Variants in ADAM30 observed in about 807,000 individuals in gnomAD.
ADAM30 encodes disintegrin and metalloproteinase domain-containing protein 30.
For missense variants in ADAM30, 960 were observed against 959.4 expected (o/e 1.00, Z -0.01); for synonymous variants, 382 against 340.9 (o/e 1.12, Z -1.33).
At position 119,896,248 on chromosome 1, in the gene ADAM30, A is replaced by T. The variant is rs1181955355; in HGVS notation, c.89T>A (p.Val30Glu). 2 of 1,613,944 alleles carry T rather than the reference A, an allele frequency of 1.2e-6. No individual in the cohort carries two copies. Among genetic ancestry groups the T allele is most frequent in the Non-Finnish European group, 1.7e-6 (2 of 1,179,946 alleles). ...AAACTCCCCTTCAGGGTGAAAAATT[A>T]CATCTTCGCCAAGAGACTTAAGGAG... ...TMLLKSLGED[V>E]IFHPEGEFDS... Residue 30 changes from valine (V) to glutamate (E), a missense_variant, in exon 1 of 1, where the codon GTA (valine) becomes GAA (glutamate). Coordinates refer to ENST00000369400, the MANE Select transcript of ADAM30 (RefSeq NM_021794.4).
rs1219407604 is a variant in ADAM30, at chr1:119,894,424, C to G, written c.1913G>C (p.Cys638Ser). ...VLQFDCLPEK[C>S]NTRGVCNNRK... is the part of the protein sequence containing the mutation. ...GTTGTTGCAAACACCCCGGGTATTG[C>G]ATTTCTCAGGCAAACAGTCAAACTG... Residue 638 changes from cysteine to serine, a missense_variant, in exon 1 of 1, where the codon TGC becomes TCC. Cys to Ser is a moderately radical substitution (Grantham distance 112). Transcript: ENST00000369400. The G allele has an allele frequency of 7.4e-6, 12 of 1,614,160 alleles. No individual in the cohort carries two copies. The highest frequency in any genetic ancestry group is 9.3e-6 in the Non-Finnish European group (11 of 1,180,038).
rs1433164763 is a variant in ADAM30 at position 119,895,272 on chromosome 1, A to G, written c.1065T>C (p.Cys355=). 3.1e-6 allele frequency: 5 copies of G among 1,614,026 alleles called. No individual in the cohort carries two copies. In the African/African-American group the frequency reaches 4.0e-5, roughly 13 times the overall value. The change falls in exon 1 of 1, where the codon TGT becomes TGC. Residue 355 remains cysteine (C), a synonymous_variant. Transcript: ENST00000369400. ...CCATGATGCAATTAAGCCTACCCCT[A>G]CATTGGCAGTATTGTTCATCATGTG... The part of the protein sequence containing the change: ...GMSHDEQYCQ[C]RGRLNCIMGS...
chr1:119,894,582 C>A lies in ADAM30; in HGVS notation c.1755G>T (p.Met585Ile). The A allele has an allele frequency of 6.2e-7, 1 of 1,614,138 alleles. No individual in the cohort carries two copies. Among genetic ancestry groups the A allele is most frequent in the Middle Eastern group, 1.6e-4 (1 of 6,062 alleles). ...ISTHLQAENL[M>I]CWGTGYHLSM... ...ATAGATGATAGCCTGTGCCCCAGCACATGAGATTTTCTGCCTGTAAATGAG... is the reference window on the plus strand; with the variant it reads ...ATAGATGATAGCCTGTGCCCCAGCAAATGAGATTTTCTGCCTGTAAATGAG... Residue 585 changes from methionine (M) to isoleucine (I), a missense_variant, in exon 1 of 1, where the codon ATG (methionine) becomes ATT (isoleucine). Met to Ile is a conservative substitution (Grantham distance 10). Coordinates refer to ENST00000369400, the MANE Select transcript of ADAM30 (RefSeq NM_021794.4).
At position 119,896,012 on chromosome 1, in the gene ADAM30, C is replaced by G. The variant is rs1436662141; in HGVS notation, c.325G>C (p.Asp109His). The G allele has an allele frequency of 6.2e-7, 1 of 1,614,126 alleles. No individual in the cohort carries two copies. The highest frequency in any genetic ancestry group is 1.7e-5 in the Admixed American group (1 of 60,014). Residue 109 changes from aspartate to histidine, a missense_variant, in exon 1 of 1, where the codon GAC becomes CAC. Physicochemically the swap from Asp to His is moderately conservative, Grantham distance 81. Coordinates refer to ENST00000369400, the MANE Select transcript of ADAM30 (RefSeq NM_021794.4). ...TTCACGGAGCCCATGTAGTTGCAGT[C>G]CTTTGGTATGTAAGGATGATCCTCC... ...LLEDHPYIPK[D>H]CNYMGSVKES...
In ADAM30 at chr1:119,894,651, A is replaced by G; in HGVS notation, c.1686T>C (p.Val562=). 6.2e-7 allele frequency: 1 copy of G among 1,614,176 alleles called. No individual in the cohort carries two copies. The highest frequency in any genetic ancestry group is 2.2e-5 in the East Asian group (1 of 44,892). Residue 562 remains valine (V), a synonymous_variant, in exon 1 of 1, where the codon GTT becomes GTC. Transcript: ENST00000369400. ...SICGRLQCIN[V]ETIPDLPEHT... is the part of the protein sequence containing the mutation. ...GCTCTGGCAAATCAGGGATGGTTTCAACATTTATACACTGTAGCCTGCCAC... is the reference window on the plus strand; with the variant it reads ...GCTCTGGCAAATCAGGGATGGTTTCGACATTTATACACTGTAGCCTGCCAC...
Position 119,894,883 on chromosome 1 carries a change from T to C in ADAM30, c.1454A>G (p.Asp485Gly), listed in dbSNP as rs1267361011. Reference sequence around the variant, plus strand: ...GCCTTCATACTTGCAAGGGGTTCCATCCTGCTTATAAACGTCATTTGGGCA... The same window carrying C: ...GCCTTCATACTTGCAAGGGGTTCCACCCTGCTTATAAACGTCATTTGGGCA... ...SSCPNDVYKQ[D>G]GTPCKYEGRC... is the part of the protein sequence containing the mutation. The change falls in exon 1 of 1, where the codon GAT (aspartate) becomes GGT (glycine). Residue 485 changes from aspartate (D) to glycine (G), a missense_variant. Asp to Gly is a moderately conservative substitution (Grantham distance 94). Coordinates refer to ENST00000369400, the MANE Select transcript of ADAM30 (RefSeq NM_021794.4). 1 of 1,614,190 alleles carries C rather than the reference T, an allele frequency of 6.2e-7. No individual in the cohort carries two copies. Among genetic ancestry groups the C allele is most frequent in the East Asian group, 2.2e-5 (1 of 44,876 alleles).
At position 119,894,133 on chromosome 1, in the gene ADAM30, G is replaced by A. The variant is rs183553633; in HGVS notation, c.2204C>T (p.Ser735Phe). 6.2e-7 allele frequency: 1 copy of A among 1,613,662 alleles called. No homozygotes were observed. The highest frequency in any genetic ancestry group is 8.5e-7 in the Non-Finnish European group (1 of 1,179,916). ...TTCTTCCTGTACAGTTTTTGTTTTA[G>A]ATTCTTCCTGTTCAGTTTTTGCTTT... ...LSKAKTEQEE[S>F]KTKTVQEESK... Residue 735 changes from serine to phenylalanine, a missense_variant, in exon 1 of 1, where the codon TCT becomes TTT. By Grantham distance (155) the Ser-to-Phe change is radical. Transcript: ENST00000369400.
At position 119,894,321 on chromosome 1, in the gene ADAM30, AC is replaced by A. The variant is rs1199359409; in HGVS notation, c.2015del (p.Ser672MetfsTer21). Reference protein sequence around the residue: ...EEVGYGGSIDSGPPGLLRGAI... With the variant: ...EEVGYGGSIDXGPPGLLRGAI... Reference sequence around the variant, plus strand: ...CCCCTCTGAGCAGTCCTGGAGGCCCACTGTCAATGCTTCCTCCATACCCCAC... The same window carrying A: ...CCCCTCTGAGCAGTCCTGGAGGCCCATGTCAATGCTTCCTCCATACCCCAC... On this transcript the variant is annotated frameshift_variant, in exon 1 of 1. Coordinates refer to ENST00000369400, the MANE Select transcript of ADAM30 (RefSeq NM_021794.4). LOFTEE classifies it low-confidence loss of function (END_TRUNC). 3 of 1,614,162 alleles carry A rather than the reference AC, an allele frequency of 1.9e-6. No homozygotes were observed. The highest frequency in any genetic ancestry group is 2.5e-6 in the Non-Finnish European group (3 of 1,180,020).
At position 119,894,544 on chromosome 1, in the gene ADAM30, A is replaced by C; in HGVS notation, c.1793T>G (p.Met598Arg). 6.2e-7 allele frequency: 1 copy of C among 1,613,938 alleles called. No homozygotes were observed. Among genetic ancestry groups the C allele is most frequent in the Middle Eastern group, 1.6e-4 (1 of 6,062 alleles). Reference protein sequence around the residue: ...GTGYHLSMKPMGIPDLGMIND... With the variant: ...GTGYHLSMKPRGIPDLGMIND... ...TATCATACCTAGGTCAGGTATTCCC[A>C]TGGGTTTCATGGATAGATGATAGCC... The change falls in exon 1 of 1, where the codon ATG becomes AGG. Residue 598 changes from methionine to arginine, a missense_variant. Physicochemically the swap from Met to Arg is moderately conservative, Grantham distance 91. Coordinates refer to ENST00000369400, the MANE Select transcript of ADAM30 (RefSeq NM_021794.4).
In ADAM30 at chr1:119,893,815, A is replaced by G; in HGVS notation, c.*149T>C. 3 of 1,461,254 alleles carry G rather than the reference A, an allele frequency of 2.1e-6. No individual in the cohort carries two copies. Among genetic ancestry groups the G allele is most frequent in the Non-Finnish European group, 2.7e-6 (3 of 1,105,200 alleles). The allele number at this position is 1,461,254 out of a possible 1,614,324, so 90.5% of individuals were successfully genotyped here. The stretch of plus-strand genomic sequence containing the variant: ...AAGTAGAATGCACTGGTTTGTTTCC[A>G]AAACAAGAATGCTGTTTATTTGCTG... On this transcript the variant is annotated 3_prime_UTR_variant, in exon 1 of 1. Coordinates refer to ENST00000369400, the MANE Select transcript of ADAM30 (RefSeq NM_021794.4).
rs373086198 is a variant in ADAM30 at position 119,895,914 on chromosome 1, G to A, written c.423C>T (p.Ala141=). ...GGLRGVFNID[A]KHYQIEPLKA... is the part of the protein sequence containing the mutation. ...TGAGGGGCTCAATTTGGTAATGTTT[G>A]GCATCAATGTTAAATACACCTCGGA... Residue 141 remains alanine (A), a synonymous_variant, in exon 1 of 1, where the codon GCC becomes GCT. Coordinates refer to ENST00000369400, the MANE Select transcript of ADAM30 (RefSeq NM_021794.4). 16 of 1,613,968 alleles carry A rather than the reference G, an allele frequency of 9.9e-6. No homozygotes were observed. Among genetic ancestry groups the A allele is most frequent in the Non-Finnish European group, 1.4e-5 (16 of 1,180,040 alleles).
chr1:119,894,429 C>G lies in ADAM30; in HGVS notation c.1908G>C (p.Glu636Asp). 1 of 1,614,170 alleles carries G rather than the reference C, an allele frequency of 6.2e-7. No individual in the cohort carries two copies. Among genetic ancestry groups the G allele is most frequent in the Non-Finnish European group, 8.5e-7 (1 of 1,180,040 alleles). The change falls in exon 1 of 1, where the codon GAG (glutamate) becomes GAC (aspartate). Residue 636 changes from glutamate (E) to aspartate (D), a missense_variant. Physicochemically the swap from Glu to Asp is conservative, Grantham distance 45. Transcript: ENST00000369400. ...SSVLQFDCLP[E>D]KCNTRGVCNN... ...TGCAAACACCCCGGGTATTGCATTT[C>G]TCAGGCAAACAGTCAAACTGCAGGA... is the stretch of plus-strand genomic sequence containing the variant.
In ADAM30 at chr1:119,896,457, G is replaced by T; in HGVS notation, c.-121C>A. The T allele has an allele frequency of 7.1e-7, 1 of 1,407,188 alleles. No individual in the cohort carries two copies. Among genetic ancestry groups the T allele is most frequent in the Non-Finnish European group, 9.3e-7 (1 of 1,076,810 alleles). 87.2% of individuals were successfully genotyped at this position (1,407,188 alleles called of 1,614,324 possible). A position where few individuals can be genotyped will look rare whatever the true frequency, so the allele number is the denominator to read the frequency against. ...GCTCAAAACCCGGCTCCCCTGGCAGGGTTTCCGGGGGAGCCCGTAGCCTCC... is the reference window on the plus strand; with the variant it reads ...GCTCAAAACCCGGCTCCCCTGGCAGTGTTTCCGGGGGAGCCCGTAGCCTCC... On this transcript the variant is annotated 5_prime_UTR_variant, in exon 1 of 1. Coordinates refer to ENST00000369400, the MANE Select transcript of ADAM30 (RefSeq NM_021794.4).
chr1:119,894,676 C>T lies in ADAM30; in HGVS notation c.1661G>A (p.Cys554Tyr). Reference sequence around the variant, plus strand: ...AACATTTATACACTGTAGCCTGCCACATATTGAATTTGCACTTTCACACTT... The same window carrying T: ...AACATTTATACACTGTAGCCTGCCATATATTGAATTTGCACTTTCACACTT... ...FKKCESANSI[C>Y]GRLQCINVET... is the part of the protein sequence containing the mutation. Residue 554 changes from cysteine (C) to tyrosine (Y), a missense_variant, in exon 1 of 1, where the codon TGT (cysteine) becomes TAT (tyrosine). Coordinates refer to ENST00000369400, the MANE Select transcript of ADAM30 (RefSeq NM_021794.4). The T allele has an allele frequency of 1.2e-6, 2 of 1,614,108 alleles. No homozygotes were observed. The highest frequency in any genetic ancestry group is 8.5e-7 in the Non-Finnish European group (1 of 1,180,024).
rs368085760 is a variant in ADAM30 at position 119,896,502 on chromosome 1, C to T, written c.-166G>A. The T allele has an allele frequency of 3.6e-6, 4 of 1,110,304 alleles. No individual in the cohort carries two copies. The highest frequency in any genetic ancestry group is 3.1e-5 in the African/African-American group (2 of 63,570). 68.8% of individuals were successfully genotyped at this position (1,110,304 alleles called of 1,614,324 possible). On this transcript the variant is annotated 5_prime_UTR_variant, in exon 1 of 1. Coordinates refer to ENST00000369400, the MANE Select transcript of ADAM30 (RefSeq NM_021794.4). ...GCCTCCCAGGGCTCGGTCTAGCTGGCGTCCGCAATGCGCGCGTGACCTGTC... is the reference window on the plus strand; with the variant it reads ...GCCTCCCAGGGCTCGGTCTAGCTGGTGTCCGCAATGCGCGCGTGACCTGTC...
At position 119,894,598 on chromosome 1, in the gene ADAM30, T is replaced by C. The variant is rs778425367; in HGVS notation, c.1739A>G (p.Gln580Arg). Reference protein sequence around the residue: ...EHTTIISTHLQAENLMCWGTG... With the variant: ...EHTTIISTHLRAENLMCWGTG... Reference sequence around the variant, plus strand: ...GCCCCAGCACATGAGATTTTCTGCCTGTAAATGAGTAGAAATTATAGTCGT... The same window carrying C: ...GCCCCAGCACATGAGATTTTCTGCCCGTAAATGAGTAGAAATTATAGTCGT... Residue 580 changes from glutamine to arginine, a missense_variant, in exon 1 of 1, where the codon CAG becomes CGG. Coordinates refer to ENST00000369400, the MANE Select transcript of ADAM30 (RefSeq NM_021794.4). The C allele has an allele frequency of 6.2e-7, 1 of 1,614,168 alleles. No homozygotes were observed. Among genetic ancestry groups the C allele is most frequent in the East Asian group, 2.2e-5 (1 of 44,878 alleles).
rs969046194 is a variant in ADAM30 at position 119,896,034 on chromosome 1, C to T, written c.303G>A (p.Glu101=). ...FSFTEHGELL[E]DHPYIPKDCN... is the part of the protein sequence containing the mutation. ...AGTCCTTTGGTATGTAAGGATGATC[C>T]TCCAGCAGTTCCCCATGTTCTGTGA... Residue 101 remains glutamate (E), a synonymous_variant, in exon 1 of 1, where the codon GAG becomes GAA. Transcript: ENST00000369400. 1 of 1,614,146 alleles carries T rather than the reference C, an allele frequency of 6.2e-7. No individual in the cohort carries two copies.
rs751282903 is a variant in ADAM30 at position 119,894,304 on chromosome 1, A to C, written c.2033T>G (p.Leu678Arg). The C allele has an allele frequency of 1.9e-6, 3 of 1,614,200 alleles. No homozygotes were observed. The South Asian group carries it at 3.3e-5, about 18-fold the overall frequency. Residue 678 changes from leucine to arginine, a missense_variant, in exon 1 of 1, where the codon CTC becomes CGC. Leu to Arg is a moderately radical substitution (Grantham distance 102, BLOSUM62 -2). Coordinates refer to ENST00000369400, the MANE Select transcript of ADAM30 (RefSeq NM_021794.4). ...GSIDSGPPGL[L>R]RGAIPSSIWV... The stretch of plus-strand genomic sequence containing the variant: ...AATTGACGAGGGAATCGCCCCTCTG[A>C]GCAGTCCTGGAGGCCCACTGTCAAT...
rs781411347 is a variant in ADAM30 at position 119,895,192 on chromosome 1, A to G, written c.1145T>C (p.Ile382Thr). 3 of 1,614,188 alleles carry G rather than the reference A, an allele frequency of 1.9e-6. No individual in the cohort carries two copies. ...ATTTAGACATGTTGCTCCCGAAGAG[A>G]TATGTTTAAAAAAAGAGATATAACT... ...NCSYISFFKH[I>T]SSGATCLNNI... The change falls in exon 1 of 1, where the codon ATC becomes ACC. Residue 382 changes from isoleucine (I) to threonine (T), a missense_variant. Transcript: ENST00000369400.
Sources: allele counts gnomAD v4.1 joint callset, GRCh38; gene constraint gnomAD v4.1.1; transcripts MANE v1.5; gene names NCBI Gene and HGNC (gene_info 2026-07-23, HGNC 2026-07-21).